CMC1: variants seen among roughly 807,000 people sequenced by gnomAD.
CMC1 encodes the protein C-X9-C motif containing 1, also known as COX assembly mitochondrial protein homolog.
A neutral mutation model predicts 14.1 loss-of-function variants in CMC1; 14 were observed. The ratio of observed to expected loss-of-function variants is 0.99; its 90% CI spans 0.66 to 1.55. CMC1 has a LOEUF of 1.55. Among genes scored for constraint, CMC1 ranks in the 40% most tolerant of loss-of-function variants. CMC1 has a pLI of 0.00. For synonymous variants in CMC1, 50 were observed against 38.4 expected (o/e 1.30, Z -1.12); for missense variants, 127 against 123.8 (o/e 1.03, Z -0.12).
At chr3:28,254,971 T>G (rs2125440616) in intron 1 of CMC1, among the ~76,000 whole-genome samples, 1 of 152,286 alleles carries the variant, frequency 6.6e-6, no homozygotes, top group East Asian at 1.9e-4. Flanking sequence ...GCATCAGCTT[T>G]CCACTCTACA....
At position 28,261,926 on chromosome 3, in the gene CMC1, C is replaced by T. The variant is rs542169507; in HGVS notation, c.20-1365C>T. Among the ~76,000 whole-genome samples, 47 of 152,152 alleles carry T rather than the reference C, an allele frequency of 3.1e-4. No homozygotes were observed. The South Asian group carries it at 9.8e-3, about 32-fold the overall frequency. ...GATAATATCTGAGTATTAAGTGGAC[C>T]CCCACAGTTCAAACCCGTGTCGTTC... On this transcript the variant is annotated intron_variant, in intron 1 of 3. Coordinates refer to ENST00000466830, the MANE Select transcript of CMC1 (RefSeq NM_182523.2).
intron 1 of CMC1, among the ~76,000 whole-genome samples, chr3:28,245,322 G>C (rs1698766519): frequency 6.6e-6 from 1 of 151,878 alleles, no homozygotes; most frequent in Admixed American, 6.6e-5. Context: ...AGCAATCTTT[G>C]CTTATTGCCA....
In CMC1 at chr3:28,241,744, C is replaced by T. The variant is rs182851929; in HGVS notation, c.-50C>T. 12 of 1,241,872 alleles carry T rather than the reference C, an allele frequency of 9.7e-6. No homozygotes were observed. The highest frequency in any genetic ancestry group is 3.2e-5 in the East Asian group (1 of 31,678). 76.9% of individuals were successfully genotyped at this position (1,241,872 alleles called of 1,614,324 possible). On this transcript the variant is annotated 5_prime_UTR_variant, in exon 1 of 4. Transcript: ENST00000466830. ...AAGCCCCTCCCCTCCACTCCCCTTC[C>T]TGCGTGCCCCGGAGCCGCCAAGCGG...
chr3:28,298,760 G>T (rs772916084), intron 2 of CMC1, among the ~76,000 whole-genome samples: 8 of 151,982 alleles, frequency 5.3e-5, no homozygotes, highest in Non-Finnish European at 7.4e-5. Context: ...AGTAGTAACA[G>T]TTGCAAATAT....
At chr3:28,283,858 A>G (rs1701037559) in intron 2 of CMC1, among the ~76,000 whole-genome samples, 1 of 152,204 alleles carries the variant, frequency 6.6e-6, no homozygotes, top group South Asian at 2.1e-4. Flanking sequence ...AGAAAAGTCA[A>G]AGCTATATTT....
At position 28,324,071 on chromosome 3, in the gene CMC1, G is replaced by A. The variant is rs535646605; in HGVS notation, c.*4442G>A. The stretch of plus-strand genomic sequence containing the variant: ...TTCTTATAAAGGCAGTTCTGATTAT[G>A]TTGATCCAAGTAATGCAGTGGTGGA... On this transcript the variant is annotated 3_prime_UTR_variant, in exon 4 of 4. Transcript: ENST00000466830. The A allele has an allele frequency of 6.2e-7, 1 of 1,609,284 alleles. No individual in the cohort carries two copies. Among genetic ancestry groups the A allele is most frequent in the Admixed American group, 1.7e-5 (1 of 59,726 alleles).
intron 1 of CMC1, among the ~76,000 whole-genome samples, chr3:28,252,156 G>A (rs945298767): frequency 4.6e-5 from 7 of 152,180 alleles, no homozygotes; most frequent in African/African-American, 1.4e-4. Context: ...AAAGCAGTGT[G>A]GGTGGAAGAG....
At chr3:28,298,946 AC>A (rs1182180973) in intron 2 of CMC1, among the ~76,000 whole-genome samples, 1 of 152,058 alleles carries the variant, frequency 6.6e-6, no homozygotes, top group East Asian at 1.9e-4. Flanking sequence ...CTGTTTCTTT[AC>A]CTACCTTACA....
intron 2 of CMC1, among the ~76,000 whole-genome samples, chr3:28,274,108 AT>A (rs1186640064): frequency 1.1e-3 from 171 of 150,894 alleles, no homozygotes; most frequent in Middle Eastern, 6.9e-3. Context: ...TAATATTGTT[AT>A]ATGTGAATTT....
intron 1 of CMC1, 32 bp from the exon 2 acceptor site, chr3:28,263,259 A>G: frequency 6.7e-7 from 1 of 1,491,994 alleles, no homozygotes; most frequent in East Asian, 2.3e-5. Context: ...TTTGCTTGAG[A>G]CTTTATTAAA....
intron 1 of CMC1, among the ~76,000 whole-genome samples, chr3:28,244,679 T>C (rs1219942851): frequency 6.6e-6 from 1 of 151,910 alleles, no homozygotes; most frequent in Non-Finnish European, 1.5e-5. Flanking sequence ...TGAGCCGAGG[T>C]TGCGCCACTG....
intron 2 of CMC1, among the ~76,000 whole-genome samples, chr3:28,299,718 A>G (rs1053511554): frequency 6.6e-6 from 1 of 152,152 alleles, no homozygotes; most frequent in Non-Finnish European, 1.5e-5. Context: ...CTTTTCAAGT[A>G]TACCTGGGAC....
chr3:28,244,823 A>C (rs1386426243), intron 1 of CMC1, among the ~76,000 whole-genome samples: 3 of 152,100 alleles, frequency 2.0e-5, no homozygotes, highest in African/African-American at 7.2e-5. Context: ...GATTATTGGA[A>C]ACTTCATCAA....
At chr3:28,258,085 T>TATATATATATATATATATATATAC (rs1481573780) in intron 1 of CMC1, among the ~76,000 whole-genome samples, 1 of 144,918 alleles carries the variant, frequency 6.9e-6, no homozygotes, top group African/African-American at 2.5e-5. Context: ...TATATATATA[T>TATATATATATATATATATATATAC]ACTTACAATT....
intron 2 of CMC1, among the ~76,000 whole-genome samples, chr3:28,270,618 A>G (rs768805645): frequency 2.0e-5 from 3 of 151,936 alleles, no homozygotes; most frequent in Non-Finnish European, 4.4e-5. Flanking sequence ...TTTCTTATAA[A>G]TTTGTTAAGT....
At chr3:28,278,532 G>C (rs936511854) in intron 2 of CMC1, among the ~76,000 whole-genome samples, 3 of 152,174 alleles carry the variant, frequency 2.0e-5, no homozygotes, top group African/African-American at 7.2e-5. Context: ...GATAGTGATA[G>C]ATTAAAAATT....
At chr3:28,275,732 T>TA (rs1441863440) in intron 2 of CMC1, among the ~76,000 whole-genome samples, 1 of 152,110 alleles carries the variant, frequency 6.6e-6, no homozygotes, top group Admixed American at 6.5e-5. Flanking sequence ...AGTCTGCTGA[T>TA]ATGAGGAGAT....
intron 2 of CMC1, among the ~76,000 whole-genome samples, chr3:28,294,087 G>A (rs982827215): frequency 2.0e-5 from 3 of 152,066 alleles, no homozygotes; most frequent in Non-Finnish European, 2.9e-5. Flanking sequence ...TTGTAAAATG[G>A]CCTTTAACAT....
intron 1 of CMC1, among the ~76,000 whole-genome samples, chr3:28,259,171 G>A (rs1018372237): frequency 1.3e-5 from 2 of 150,884 alleles, no homozygotes; most frequent in African/African-American, 4.9e-5. Context: ...ATAATAATAG[G>A]AAACTACAAA....
Sources: allele counts gnomAD v4.1 joint callset (sites outside exome capture counted in the v4.1 genomes callset), GRCh38; gene constraint gnomAD v4.1.1; transcripts MANE v1.5; gene names NCBI Gene and HGNC (gene_info 2026-07-23, HGNC 2026-07-21).